The following ZNFX1 variants were observed in gnomAD, a reference collection of about 807,000 sequenced individuals.
The protein encoded by ZNFX1 is NFX1-type zinc finger-containing protein 1.
ZNFX1 carries 78 observed loss-of-function variants against 179.8 expected under a neutral mutation model. The observed-to-expected ratio is 0.43, with a 90% confidence interval of 0.36 to 0.52. ZNFX1 has a LOEUF of 0.52. Ranked by LOEUF, ZNFX1 falls within the 20% of genes least tolerant of loss-of-function variation. The pLI is 0.00. For synonymous variants in ZNFX1, 848 were observed against 868.5 expected (o/e 0.98, Z 0.42); for missense variants, 1,927 against 2,386.6 (o/e 0.81, Z 4.01).
At position 49,247,076 on chromosome 20, in the gene ZNFX1, T is replaced by G. The variant is rs1398471176; in HGVS notation, c.*191A>C. The G allele has an allele frequency of 3.0e-6, 2 of 663,698 alleles. No homozygotes were observed. The highest frequency in any genetic ancestry group is 5.9e-5 in the East Asian group (2 of 33,914). 41.1% of individuals were successfully genotyped at this position (663,698 alleles called of 1,614,324 possible). On this transcript the variant is annotated 3_prime_UTR_variant, in exon 14 of 14. Coordinates refer to ENST00000396105, the MANE Select transcript of ZNFX1 (RefSeq NM_021035.3). ...TAGAGACGGGGTTTCGCCATGTTGG[T>G]CAGGCTGGTCTCGAACTCCTGACCT...
chr20:49,264,047 TC>T (rs1440152175), intron 5 of ZNFX1, among the ~76,000 whole-genome samples: 1 of 151,978 alleles, frequency 6.6e-6, no homozygotes, highest in African/African-American at 2.4e-5. Flanking sequence ...CATGGTGAAA[TC>T]TTGTCTCTAC....
At chr20:49,277,595 G>C (rs1340317172) in intron 1 of ZNFX1, among the ~76,000 whole-genome samples, 3 of 151,716 alleles carry the variant, frequency 2.0e-5, no homozygotes, top group Non-Finnish European at 2.9e-5. Flanking sequence ...TGACGGTGTC[G>C]GGGGTGCTGG....
At chr20:49,267,477 G>GTTT (rs10695260) in intron 3 of ZNFX1, among the ~76,000 whole-genome samples, 1,495 of 140,968 alleles carry the variant, frequency 0.011, 18 homozygotes, top group Admixed American at 0.012. Flanking sequence ...GTTACATAAA[G>GTTT]TTTTTTTTTT....
rs756281537 is a variant in ZNFX1, at chr20:49,247,234, G to T, written c.*33C>A. On this transcript the variant is annotated 3_prime_UTR_variant, in exon 14 of 14. Transcript: ENST00000396105. ...AGGGAGCTGGCCCCAGTCATTCAGT[G>T]GCGAGGGCAAAAGGCAGTGGTGTAC... is the stretch of plus-strand genomic sequence containing the variant. The T allele has an allele frequency of 2.2e-5, 35 of 1,557,838 alleles. No homozygotes were observed. The highest frequency in any genetic ancestry group is 3.5e-4 in the Middle Eastern group (2 of 5,634).
intron 6 of ZNFX1, among the ~76,000 whole-genome samples, chr20:49,261,820 A>AT (rs35108334): frequency 1.3e-5 from 2 of 150,964 alleles, no homozygotes; most frequent in East Asian, 4.0e-4. Context: ...TAATTTTTTT[A>AT]TTTTTTTAGT....
In ZNFX1 at chr20:49,271,361, T is replaced by C. The variant is rs1191569835; in HGVS notation, c.451A>G (p.Ser151Gly). The C allele has an allele frequency of 3.7e-6, 6 of 1,614,202 alleles. No homozygotes were observed. The African/African-American group carries it at 4.0e-5, about 11-fold the overall frequency. ...AKKLGYKFLE[S>G]LLQKDPSEVV... ...TCAGAAGGGTCTTTCTGCAGAAGAC[T>C]TTCTAAGAACTTGTAGCCCAGTTTC... Residue 151 changes from serine to glycine, a missense_variant, in exon 3 of 14, where the codon AGT becomes GGT. Coordinates refer to ENST00000396105, the MANE Select transcript of ZNFX1 (RefSeq NM_021035.3).
intron 2 of ZNFX1, among the ~76,000 whole-genome samples, chr20:49,273,407 C>T (rs1981473441): frequency 6.6e-6 from 1 of 152,066 alleles, no homozygotes; most frequent in South Asian, 2.1e-4. Context: ...GCTGGGATTA[C>T]AGGTGTCAGC....
rs1193514874 is a variant in ZNFX1 at position 49,248,045 on chromosome 20, C to G, written c.4979G>C (p.Ser1660Thr). The change falls in exon 14 of 14, where the codon AGC (serine) becomes ACC (threonine). Residue 1660 changes from serine (S) to threonine (T), a missense_variant. Ser to Thr is a moderately conservative substitution (Grantham distance 58). Coordinates refer to ENST00000396105, the MANE Select transcript of ZNFX1 (RefSeq NM_021035.3). The surrounding 1 kb of genome is among the most constrained non-coding windows in gnomAD (Gnocchi z 4.6). Reference protein sequence around the residue: ...IQGSAGEIATSQERLKALLER... With the variant: ...IQGSAGEIATTQERLKALLER... ...CAGCAGGGCCTTAAGCCGTTCCTGG[C>G]TGGTTGCTATTTCCCCTGCTGAGCC... is the stretch of plus-strand genomic sequence containing the variant. 6.2e-7 allele frequency: 1 copy of G among 1,614,194 alleles called. No homozygotes were observed. The highest frequency in any genetic ancestry group is 8.5e-7 in the Non-Finnish European group (1 of 1,180,044).
At chr20:49,252,660 G>T in intron 12 of ZNFX1, 60 bp downstream of exon 12, 4 of 1,267,196 alleles carry the variant, frequency 3.2e-6, no homozygotes, top group Middle Eastern at 1.9e-4. Context: ...GCTGGCAACT[G>T]GCAGCTTCCC....
rs745375691 is a variant in ZNFX1, at chr20:49,256,025, C to T, written c.2665-78G>A. The T allele has an allele frequency of 3.3e-6, 5 of 1,536,150 alleles. No individual in the cohort carries two copies. The South Asian group carries it at 4.9e-5, about 15-fold the overall frequency. ...TTTAAGCCCAAGGCAGGGGTCACAG[C>T]ACGTAAGAAAAAGGGCTGGCATCAC... On this transcript the variant is annotated intron_variant, in intron 8 of 13. Coordinates refer to ENST00000396105, the MANE Select transcript of ZNFX1 (RefSeq NM_021035.3).
chr20:49,266,041 G>C, intron 4 of ZNFX1, 94 bp downstream of exon 4: 2 of 1,425,048 alleles, frequency 1.4e-6, no homozygotes, highest in Non-Finnish European at 1.9e-6. Context: ...AAGGACTGTT[G>C]ACTTTGTTTG....
At chr20:49,251,651 A>C in intron 12 of ZNFX1, 29 bp from the exon 13 acceptor site, 1 of 1,572,066 alleles carries the variant, frequency 6.4e-7, no homozygotes, top group South Asian at 1.1e-5. Flanking sequence ...GTCATTAGAA[A>C]CATGGGCAGA....
chr20:49,255,189 A>G (rs1600987580), intron 9 of ZNFX1, among the ~76,000 whole-genome samples: 1 of 151,820 alleles, frequency 6.6e-6, no homozygotes, highest in Non-Finnish European at 1.5e-5. Flanking sequence ...GATTATAGGC[A>G]CCGGCCACCA....
intron 6 of ZNFX1, 148 bp downstream of exon 6, chr20:49,263,186 G>T: frequency 2.0e-6 from 2 of 976,000 alleles, no homozygotes; most frequent in Non-Finnish European, 3.0e-6. Context: ...AGCATATTCA[G>T]CTGCCTCTCA....
Position 49,271,338 on chromosome 20 carries a change from A to C in ZNFX1, c.474T>G (p.Ser158=), listed in dbSNP as rs1981388885. The change falls in exon 3 of 14, where the codon TCT becomes TCG. Residue 158 remains serine, a synonymous_variant. Transcript: ENST00000396105. ...TTGTGGCAAGTGTGATGACCACCTC[A>C]GAAGGGTCTTTCTGCAGAAGACTTT... The part of the protein sequence containing the change: ...FLESLLQKDP[S]EVVITLATSL... The C allele has an allele frequency of 6.2e-7, 1 of 1,614,062 alleles. No homozygotes were observed. The highest frequency in any genetic ancestry group is 1.3e-5 in the African/African-American group (1 of 74,934).
At chr20:49,251,794 T>G (rs1472878641) in intron 12 of ZNFX1, among the ~76,000 whole-genome samples, 172 bp from the exon 13 acceptor site, 1 of 152,052 alleles carries the variant, frequency 6.6e-6, no homozygotes, top group African/African-American at 2.4e-5. Context: ...GGTCAGGATT[T>G]CAAGACCAGC....
chr20:49,265,709 T>C (rs1981218130), intron 4 of ZNFX1, among the ~76,000 whole-genome samples: 1 of 152,064 alleles, frequency 6.6e-6, no homozygotes, highest in Non-Finnish European at 1.5e-5. Context: ...ATACATAAAA[T>C]AGATTATAAA....
intron 2 of ZNFX1, among the ~76,000 whole-genome samples, chr20:49,272,610 C>G (rs964419637): frequency 6.6e-6 from 1 of 152,158 alleles, no homozygotes; most frequent in Admixed American, 6.5e-5. Context: ...TCTAAGGGGG[C>G]CACTGGTTCT....
intron 9 of ZNFX1, 126 bp from the exon 10 acceptor site, chr20:49,254,775 G>A: frequency 9.3e-7 from 1 of 1,080,814 alleles, no homozygotes; most frequent in Non-Finnish European, 1.3e-6. Context: ...CAAACAGAGA[G>A]ATACATTCAG....
Sources: gnomAD v4.1 joint callset for allele counts (sites outside exome capture counted in the v4.1 genomes callset) on GRCh38, gnomAD v4.1.1 for gene constraint, Gnocchi (gnomAD v3.1) non-coding constraint, MANE v1.5 for transcripts, NCBI Gene and HGNC (gene_info 2026-07-23, HGNC 2026-07-21) for gene names.